The following PLPPR1 variants were observed in gnomAD, a reference collection of about 807,000 sequenced individuals.
PLPPR1 encodes the protein phospholipid phosphatase-related protein type 1.
A neutral mutation model predicts 33.1 loss-of-function variants in PLPPR1; 10 were observed. That is an observed-to-expected ratio of 0.30 (90% confidence interval 0.19 to 0.51). The LOEUF (loss-of-function observed/expected upper bound fraction) is 0.51. Among genes scored for constraint, PLPPR1 ranks in the 20% least tolerant of loss-of-function variants. The probability of loss-of-function intolerance (pLI) is 0.97; values close to 1 mark genes in which losing one functional copy is unlikely to be tolerated. For missense variants in PLPPR1, 304 were observed against 408.1 expected, an observed-to-expected ratio of 0.74 and a Z score of 2.20; for synonymous variants, 151 against 151.0, an observed-to-expected ratio of 1.00 and a Z score of 0.00.
chr9:101,170,753 T>C (rs1271364853), intron 1 of PLPPR1, among the ~76,000 whole-genome samples: 1 of 152,086 alleles, frequency 6.6e-6, no homozygotes, highest in Non-Finnish European at 1.5e-5. Context: ...CTGGGCAATG[T>C]AGTGAGACTC....
At chr9:101,241,169 G>A (rs1337751713) in intron 2 of PLPPR1, among the ~76,000 whole-genome samples, 1 of 152,048 alleles carries the variant, frequency 6.6e-6, no homozygotes, top group Admixed American at 6.6e-5. Context: ...GGTTTATTGG[G>A]GAATATACAT....
At chr9:101,172,420 A>C (rs1388467825) in intron 1 of PLPPR1, among the ~76,000 whole-genome samples, 1 of 152,006 alleles carries the variant, frequency 6.6e-6, no homozygotes, top group East Asian at 1.9e-4. Context: ...CTGGATGAGA[A>C]ATGTTTTCAT....
At chr9:101,068,515 A>G (rs1441008193) in intron 1 of PLPPR1, among the ~76,000 whole-genome samples, 1 of 151,920 alleles carries the variant, frequency 6.6e-6, no homozygotes, top group Non-Finnish European at 1.5e-5. Flanking sequence ...TAGGGTGGGA[A>G]GGGGTAGAAT....
chr9:101,251,925 GA>G (rs1827718519), intron 2 of PLPPR1, among the ~76,000 whole-genome samples: 1 of 152,102 alleles, frequency 6.6e-6, no homozygotes, highest in Non-Finnish European at 1.5e-5. Flanking sequence ...TTATATGCCT[GA>G]GGAGGAAAAA....
intron 2 of PLPPR1, among the ~76,000 whole-genome samples, chr9:101,264,239 C>T (rs764979329): frequency 3.3e-5 from 5 of 152,056 alleles, no homozygotes; most frequent in Admixed American, 6.6e-5. Flanking sequence ...ATGTCACAAC[C>T]GTGTCAGTTC....
At chr9:101,322,198 CAAAAAAAAAAAAAA>C (rs57344415) in intron 7 of PLPPR1, among the ~76,000 whole-genome samples, 4 of 27,668 alleles carry the variant, frequency 1.4e-4, no homozygotes, top group African/African-American at 2.2e-4. Flanking sequence ...GACTTCATCT[CAAAAAAAAAAAAAA>C]AAAAAAAAAA....
intron 1 of PLPPR1, among the ~76,000 whole-genome samples, chr9:101,166,665 T>C (rs1392888527): frequency 1.3e-5 from 2 of 152,180 alleles, no homozygotes; most frequent in African/African-American, 4.8e-5. Context: ...AATATTATAG[T>C]GTTAAATGTA....
chr9:101,284,607 C>G (rs1195991304), intron 3 of PLPPR1, among the ~76,000 whole-genome samples: 1 of 152,126 alleles, frequency 6.6e-6, no homozygotes, highest in African/African-American at 2.4e-5. Flanking sequence ...TGCATGTGTT[C>G]TAGAGATGCT....
chr9:101,047,686 A>C (rs1252159302), intron 1 of PLPPR1, among the ~76,000 whole-genome samples: 1 of 152,116 alleles, frequency 6.6e-6, no homozygotes, highest in Admixed American at 6.5e-5. Context: ...TGATTTCCTC[A>C]GTATTTGATG....
intron 2 of PLPPR1, among the ~76,000 whole-genome samples, chr9:101,258,521 G>C (rs1827841496): frequency 6.6e-6 from 1 of 152,150 alleles, no homozygotes; most frequent in Non-Finnish European, 1.5e-5. Context: ...TTTAACGAAA[G>C]ATATAGCGGA....
At chr9:101,036,050 G>C (rs1830006111) in intron 1 of PLPPR1, among the ~76,000 whole-genome samples, 1 of 152,140 alleles carries the variant, frequency 6.6e-6, no homozygotes, top group African/African-American at 2.4e-5. Flanking sequence ...TACTGTGTGT[G>C]TTCATCATGG....
intron 4 of PLPPR1, among the ~76,000 whole-genome samples, chr9:101,302,276 T>C (rs116973798): frequency 0.023 from 3,436 of 152,338 alleles, 73 homozygotes; most frequent in Non-Finnish European, 0.031. Context: ...TTGTTATTAT[T>C]ACCTGGTATC....
intron 2 of PLPPR1, among the ~76,000 whole-genome samples, chr9:101,218,516 T>C (rs960336202): frequency 2.0e-5 from 3 of 152,180 alleles, no homozygotes; most frequent in Non-Finnish European, 2.9e-5. Flanking sequence ...AAAATAGATG[T>C]AGATAACACT....
intron 2 of PLPPR1, among the ~76,000 whole-genome samples, chr9:101,229,215 A>G (rs1827134162): frequency 6.6e-6 from 1 of 152,152 alleles, no homozygotes; most frequent in African/African-American, 2.4e-5. Flanking sequence ...GCAGTCATTC[A>G]GTAAAAAGAA....
intron 2 of PLPPR1, among the ~76,000 whole-genome samples, chr9:101,255,095 G>A (rs535665610): frequency 6.6e-6 from 1 of 152,078 alleles, no homozygotes; most frequent in African/African-American, 2.4e-5. Context: ...TGTCACTATT[G>A]TTTTGATTTG....
chr9:101,057,289 C>T (rs1004524364), intron 1 of PLPPR1, among the ~76,000 whole-genome samples: 19 of 152,084 alleles, frequency 1.2e-4, no homozygotes, highest in Middle Eastern at 3.4e-3. Context: ...GGATGAAAAA[C>T]GTGATTTGAT....
At chr9:101,216,988 G>A (rs1826811261) in intron 2 of PLPPR1, among the ~76,000 whole-genome samples, 1 of 152,100 alleles carries the variant, frequency 6.6e-6, no homozygotes, top group African/African-American at 2.4e-5. Context: ...TGTATGGTAA[G>A]GTAGGCATTA....
At chr9:101,135,385 A>G (rs1831366220) in intron 1 of PLPPR1, among the ~76,000 whole-genome samples, 1 of 152,190 alleles carries the variant, frequency 6.6e-6, no homozygotes, top group Admixed American at 6.5e-5. Flanking sequence ...TTTCTATTGT[A>G]TCACATCACT....
chr9:101,196,771 G>A (rs905899158), intron 2 of PLPPR1, among the ~76,000 whole-genome samples: 1 of 151,970 alleles, frequency 6.6e-6, no homozygotes, highest in South Asian at 2.1e-4. Flanking sequence ...AGGCTGAGGC[G>A]GGAGAATGGC....
Sources: gnomAD v4.1 joint callset for allele counts (sites outside exome capture counted in the v4.1 genomes callset) on GRCh38, gnomAD v4.1.1 for gene constraint, MANE v1.5 for transcripts, NCBI Gene and HGNC (gene_info 2026-07-23, HGNC 2026-07-21) for gene names.